The following NUP93 variants were observed in gnomAD, a reference collection of about 807,000 sequenced individuals.
NUP93 encodes the protein nuclear pore complex protein Nup93.
NUP93 carries 55 observed loss-of-function variants against 107.8 expected under a neutral mutation model. The ratio of observed to expected loss-of-function variants is 0.51; its 90% confidence interval spans 0.41 to 0.64. The LOEUF is 0.64. Ranked by LOEUF, NUP93 falls within the 30% of genes least tolerant of loss-of-function variation. The probability of loss-of-function intolerance (pLI) is 0.00; values close to 1 mark genes in which losing one functional copy is unlikely to be tolerated. For missense variants in NUP93, 937 were observed against 1,044.7 expected, an observed-to-expected ratio of 0.90 and a Z score of 1.42; for synonymous variants, 390 against 397.5, an observed-to-expected ratio of 0.98 and a Z score of 0.22.
intron 2 of NUP93, among the ~76,000 whole-genome samples, chr16:56,753,254 C>T (rs2144468906): frequency 6.6e-6 from 1 of 152,276 alleles, no homozygotes; most frequent in African/African-American, 2.4e-5. Flanking sequence ...AAGCAATCAT[C>T]ATCAAGACTG....
At chr16:56,771,563 G>A (rs567071428) in intron 3 of NUP93, among the ~76,000 whole-genome samples, 76 of 152,212 alleles carry the variant, frequency 5.0e-4, no homozygotes, top group African/African-American at 1.8e-3. Context: ...TTTTCTATGG[G>A]ATGACATTTC....
intron 21 of NUP93, among the ~76,000 whole-genome samples, chr16:56,844,089 T>C (rs934742842): frequency 5.3e-5 from 8 of 152,174 alleles, no homozygotes; most frequent in African/African-American, 1.7e-4. Context: ...AAGGGCTTCA[T>C]GGGGCTCTGG....
At chr16:56,838,883 C>G (rs1963964050) in intron 18 of NUP93, 69 bp from the exon 19 acceptor site, 1 of 1,052,076 alleles carries the variant, frequency 9.5e-7, no homozygotes, top group African/African-American at 1.6e-5. Flanking sequence ...AAATGCTATT[C>G]CACTGTTACG....
chr16:56,774,885 T>TTTTTTG (rs572601777), intron 3 of NUP93, among the ~76,000 whole-genome samples: 11 of 151,696 alleles, frequency 7.3e-5, no homozygotes, highest in African/African-American at 2.4e-4. Flanking sequence ...GATTAAGGTT[T>TTTTTTG]TTTTTGTTTT....
chr16:56,834,714 A>T lies in NUP93; in HGVS notation c.1738-20A>T. On this transcript the variant is annotated intron_variant, in intron 15 of 21. Transcript: ENST00000308159. Reference sequence around the variant, plus strand: ...TATATCTTTGTCCAATAATTTGAGTAAACTTTTTTCCTTCCACAGTTCGAT... The same window carrying T: ...TATATCTTTGTCCAATAATTTGAGTTAACTTTTTTCCTTCCACAGTTCGAT... The T allele has an allele frequency of 6.2e-7, 1 of 1,605,666 alleles. No individual in the cohort carries two copies. The highest frequency in any genetic ancestry group is 8.5e-7 in the Non-Finnish European group (1 of 1,174,884).
At chr16:56,837,276 C>G (rs369959897) in intron 17 of NUP93, among the ~76,000 whole-genome samples, 2 of 152,286 alleles carry the variant, frequency 1.3e-5, no homozygotes, top group African/African-American at 2.4e-5. Flanking sequence ...AAAAAAACAG[C>G]TATAGGCCAA....
At chr16:56,754,889 G>T (rs1443603224) in intron 2 of NUP93, among the ~76,000 whole-genome samples, 4 of 152,178 alleles carry the variant, frequency 2.6e-5, no homozygotes, top group Non-Finnish European at 5.9e-5. Flanking sequence ...TCTGGTAGCT[G>T]TTCGGAGGCT....
rs537070344 is a variant in NUP93 at position 56,775,550 on chromosome 16, A to G, written c.297+16895A>G. Among the ~76,000 whole-genome samples the G allele has an allele frequency of 2.6e-5, 4 of 152,322 alleles. 1 individual carries two copies. The South Asian group carries it at 8.3e-4, about 32-fold the overall frequency. The stretch of plus-strand genomic sequence containing the variant: ...GAGATGGCAAAGTAGTAGAACTGGA[A>G]ACGTTTTGGTCTCCTCAGTAGTTTG... On this transcript the variant is annotated intron_variant, in intron 3 of 21. Transcript: ENST00000308159.
chr16:56,739,663 G>A (rs1447746370), intron 1 of NUP93, among the ~76,000 whole-genome samples: 9 of 129,442 alleles, frequency 7.0e-5, no homozygotes, highest in African/African-American at 9.3e-5. Context: ...GCGGCTGGCC[G>A]GGCGGAGGGC....
chr16:56,747,728 G>A (rs980919553), intron 1 of NUP93, among the ~76,000 whole-genome samples: 3 of 152,206 alleles, frequency 2.0e-5, no homozygotes, highest in Non-Finnish European at 4.4e-5. Flanking sequence ...CTCAGCCTCT[G>A]TGGATTGGAA....
chr16:56,831,666 A>G (rs1043599946), intron 10 of NUP93, 176 bp from the exon 11 acceptor site: 36 of 601,290 alleles, frequency 6.0e-5, no homozygotes, highest in African/African-American at 5.8e-4. Flanking sequence ...AGGTAGTTGC[A>G]AGTCAGGTTA....
At chr16:56,769,411 T>G (rs966678182) in intron 3 of NUP93, among the ~76,000 whole-genome samples, 34 of 152,186 alleles carry the variant, frequency 2.2e-4, no homozygotes, top group Non-Finnish European at 4.4e-4. Context: ...TGTGAACTCT[T>G]GCGGAGCGTT....
chr16:56,795,966 A>G (rs1322812079), intron 3 of NUP93, among the ~76,000 whole-genome samples: 1 of 152,074 alleles, frequency 6.6e-6, no homozygotes, highest in Non-Finnish European at 1.5e-5. Context: ...TTAAGAGGGA[A>G]CTATTTCCTG....
intron 7 of NUP93, 115 bp from the exon 8 acceptor site, chr16:56,823,592 C>T: frequency 8.2e-7 from 1 of 1,220,652 alleles, no homozygotes; most frequent in East Asian, 2.4e-5. Flanking sequence ...AGACAGATGA[C>T]ATTAACCTCA....
chr16:56,772,763 A>C (rs1263639084), intron 3 of NUP93, among the ~76,000 whole-genome samples: 1 of 152,256 alleles, frequency 6.6e-6, no homozygotes, highest in Non-Finnish European at 1.5e-5. Flanking sequence ...TGTACCCTGA[A>C]GTGCATTTCC....
Position 56,844,509 on chromosome 16 carries a change from G to T in NUP93, c.2360G>T (p.Ser787Ile). The change falls in exon 22 of 22, where the codon AGT becomes ATT. Residue 787 changes from serine to isoleucine, a missense_variant. Coordinates refer to ENST00000308159, the MANE Select transcript of NUP93 (RefSeq NM_014669.5). ...TCCCTTCTCTCTCAGCAACTCCGAAGTCAAGCCCGCACTCTGATTACCTTT... is the reference window on the plus strand; with the variant it reads ...TCCCTTCTCTCTCAGCAACTCCGAATTCAAGCCCGCACTCTGATTACCTTT... ...VIEDRDSQLR[S>I]QARTLITFAG... 6.8e-7 allele frequency: 1 copy of T among 1,477,392 alleles called. No homozygotes were observed. Among genetic ancestry groups the T allele is most frequent in the South Asian group, 1.4e-5 (1 of 71,598 alleles). The allele number at this position is 1,477,392 out of a possible 1,614,324, so 91.5% of individuals were successfully genotyped here.
intron 8 of NUP93, among the ~76,000 whole-genome samples, chr16:56,825,536 A>G (rs1434688277): frequency 4.0e-5 from 6 of 151,678 alleles, no homozygotes; most frequent in African/African-American, 1.5e-4. Flanking sequence ...TTTTTTTTCA[A>G]TGAGTGTAAG....
In NUP93 at chr16:56,845,950, G is replaced by A. The variant is rs897933436; in HGVS notation, c.*1341G>A. 2 of 152,210 alleles carry A rather than the reference G, an allele frequency of 1.3e-5. No individual in the cohort carries two copies. Among genetic ancestry groups the A allele is most frequent in the Non-Finnish European group, 1.5e-5 (1 of 68,068 alleles). 9.4% of individuals were successfully genotyped at this position (152,210 alleles called of 1,614,324 possible). ...CTGAGGGTCAGTGGAGCTGTGTTCT[G>A]CCTTCCTCCTCTAGTCCCATCTTGT... On this transcript the variant is annotated 3_prime_UTR_variant, in exon 22 of 22. Transcript: ENST00000308159.
intron 3 of NUP93, chr16:56,783,818 T>A: frequency 1.0e-6 from 1 of 985,414 alleles, no homozygotes. Context: ...ATAGAAGAGT[T>A]CTTTAGGAAG....
Sources: allele counts gnomAD v4.1 joint callset (sites outside exome capture counted in the v4.1 genomes callset), GRCh38; gene constraint gnomAD v4.1.1; transcripts MANE v1.5; gene names NCBI Gene and HGNC (gene_info 2026-07-23, HGNC 2026-07-21).